Variants in NLRP1 observed in about 807,000 individuals in gnomAD.
The protein encoded by NLRP1 is NACHT, LRR and PYD domains-containing protein 1.
Under a neutral mutation model 136.7 loss-of-function variants are expected in NLRP1, and 94 were observed. That is an observed-to-expected ratio of 0.69 (90% CI 0.58 to 0.82). NLRP1 has a LOEUF of 0.82. NLRP1 is among the 40% of genes least tolerant of loss of function. The pLI is 0.00. For synonymous variants in NLRP1, 690 were observed against 725.1 expected, an observed-to-expected ratio of 0.95 and a Z score of 0.78; for missense variants, 1,575 against 1,802.7, an observed-to-expected ratio of 0.87 and a Z score of 2.29.
At position 5,558,407 on chromosome 17, in the gene NLRP1, G is replaced by T. The variant is rs200629933; in HGVS notation, c.2289C>A (p.His763Gln). 1.2e-6 allele frequency: 2 copies of T among 1,614,116 alleles called. No homozygotes were observed. The highest frequency in any genetic ancestry group is 1.1e-5 in the South Asian group (1 of 91,078). ...VCTFCIKFSR[H>Q]VKKLQLIEGR... ...CCTCAATCAGCTGAAGCTTCTTCAC[G>T]TGGCGGCTGAATTTAATGCAGAAAG... Residue 763 changes from histidine (H) to glutamine (Q), a missense_variant, in exon 4 of 17, where the codon CAC becomes CAA. Transcript: ENST00000572272.
intron 14 of NLRP1, among the ~76,000 whole-genome samples, chr17:5,519,532 T>A (rs1309518092): frequency 6.7e-6 from 1 of 149,154 alleles, no homozygotes; most frequent in Non-Finnish European, 1.5e-5. Context: ...CTGCAACCTC[T>A]GCCTCCCGGG....
At chr17:5,568,367 GC>G (rs1263349863) in intron 3 of NLRP1, among the ~76,000 whole-genome samples, 1 of 152,054 alleles carries the variant, frequency 6.6e-6, no homozygotes, top group Non-Finnish European at 1.5e-5. Flanking sequence ...TCTTCAGTAT[GC>G]AAATTGAATT....
chr17:5,570,250 AC>A (rs1352729880), intron 3 of NLRP1, among the ~76,000 whole-genome samples: 1 of 152,268 alleles, frequency 6.6e-6, no homozygotes, highest in East Asian at 1.9e-4. Context: ...ACAAGAAATA[AC>A]CAAAATCAGA....
chr17:5,548,022 T>C (rs891611171), intron 5 of NLRP1, among the ~76,000 whole-genome samples: 6 of 152,196 alleles, frequency 3.9e-5, no homozygotes, highest in African/African-American at 1.4e-4. Flanking sequence ...TAACCCTGAA[T>C]TCTGCTATCT....
rs546047725 is a variant in NLRP1, at chr17:5,525,836, A to G, written c.3521-4050T>C. On this transcript the variant is annotated intron_variant, in intron 12 of 16. Transcript: ENST00000572272. The stretch of plus-strand genomic sequence containing the variant: ...TGTCTATAAAGCCCTGGGGATAATA[A>G]GGACCACTTGCTCGTATTACAGATA... 2.6e-5 allele frequency among the ~76,000 whole-genome samples: 4 copies of G among 152,314 alleles called. No individual in the cohort carries two copies. In the East Asian group the frequency reaches 7.7e-4, roughly 29 times the overall value.
Position 5,539,407 on chromosome 17 carries a change from G to A in NLRP1, c.2870+8C>T, listed in dbSNP as rs1455162902. On this transcript the variant is annotated splice_region_variant and intron_variant, in intron 7 of 16. Transcript: ENST00000572272. ...CCCTCTGCCCAGAAGGGACCCACAG[G>A]GCCTTACCCCAGGCGTATGAGTTTG... 8 of 1,608,302 alleles carry A rather than the reference G, an allele frequency of 5.0e-6. No homozygotes were observed. In the African/African-American group the frequency reaches 8.0e-5, roughly 16 times the overall value.
chr17:5,501,948 T>A (rs923122348), intron 15 of NLRP1: 9 of 1,335,950 alleles, frequency 6.7e-6, no homozygotes, highest in African/African-American at 4.3e-5. Flanking sequence ...GCCGGCTTTG[T>A]TAGTTGCAGC....
intron 5 of NLRP1, 57 bp from the exon 6 acceptor site, chr17:5,542,084 A>T: frequency 6.5e-7 from 1 of 1,528,792 alleles, no homozygotes. Flanking sequence ...TTCAACAGAC[A>T]CCCATAAGCA....
At chr17:5,550,066 A>G (rs1462918829) in intron 5 of NLRP1, among the ~76,000 whole-genome samples, 1 of 152,198 alleles carries the variant, frequency 6.6e-6, no homozygotes, top group East Asian at 1.9e-4. Context: ...ATGGTCTACA[A>G]TCCTTTTTAT....
chr17:5,547,203 ATACATAGCATACATGACCCTAAG>A (rs1912781235), intron 5 of NLRP1, among the ~76,000 whole-genome samples: 1 of 152,074 alleles, frequency 6.6e-6, no homozygotes, highest in Non-Finnish European at 1.5e-5. Flanking sequence ...ATGACCCTAA[ATACATAGCATACATGACCCTAAG>A]TACATAGCAT....
At chr17:5,552,902 T>C (rs1402548586) in intron 5 of NLRP1, among the ~76,000 whole-genome samples, 1 of 152,234 alleles carries the variant, frequency 6.6e-6, no homozygotes, top group South Asian at 2.1e-4. Context: ...ATTTTGAAAA[T>C]GTACTGATCT....
chr17:5,534,033 G>C, intron 8 of NLRP1, 45 bp from the exon 9 acceptor site: 1 of 1,343,186 alleles, frequency 7.4e-7, no homozygotes, highest in Non-Finnish European at 1.1e-6. Context: ...TGGAGGAAGC[G>C]AGGGCTGTCC....
intron 3 of NLRP1, among the ~76,000 whole-genome samples, chr17:5,571,891 A>T (rs1904400869): frequency 6.6e-6 from 1 of 152,242 alleles, no homozygotes. Context: ...CTACTGGTAC[A>T]AAAACAGACA....
chr17:5,554,264 C>G (rs566215324), intron 4 of NLRP1, among the ~76,000 whole-genome samples: 34 of 152,244 alleles, frequency 2.2e-4, no homozygotes, highest in African/African-American at 7.9e-4. Flanking sequence ...AGATGACGGG[C>G]TTTGTCTGAG....
intron 3 of NLRP1, among the ~76,000 whole-genome samples, chr17:5,566,138 A>T (rs899002066): frequency 6.6e-6 from 1 of 150,992 alleles, no homozygotes; most frequent in Non-Finnish European, 1.5e-5. Flanking sequence ...TGTTTCATTG[A>T]TCTTTTGTAT....
chr17:5,535,465 C>T (rs75214654), intron 8 of NLRP1, among the ~76,000 whole-genome samples: 2,645 of 152,272 alleles, frequency 0.017, 139 homozygotes, highest in South Asian at 0.16. Flanking sequence ...TTCTTGGGCC[C>T]AGCCAACCTG....
intron 3 of NLRP1, among the ~76,000 whole-genome samples, chr17:5,562,193 CCT>C (rs1286713793): frequency 2.6e-5 from 4 of 152,222 alleles, no homozygotes; most frequent in African/African-American, 7.2e-5. Flanking sequence ...GGTGCCATCC[CCT>C]GTTCCTCTGG....
Position 5,541,875 on chromosome 17 carries a change from C to T in NLRP1, c.2681G>A (p.Cys894Tyr). The change falls in exon 6 of 17, where the codon TGC becomes TAC. Residue 894 changes from cysteine to tyrosine, a missense_variant. Cys to Tyr is a radical substitution (Grantham distance 194, BLOSUM62 -2). Coordinates refer to ENST00000572272, the MANE Select transcript of NLRP1 (RefSeq NM_033004.4). This position sits in a 1 kb window ranked among gnomAD's most constrained non-coding sequence, Gnocchi z 4.2. ...HLCQRLRQPS[C>Y]KLQRLQLVSC... ...CAATTACTGCAGTCGCTGTAGCTTG[C>T]AGCTCGGCTGTCTCAGTCTCTGGCA... The T allele has an allele frequency of 6.2e-7, 1 of 1,614,012 alleles. No individual in the cohort carries two copies. The highest frequency in any genetic ancestry group is 1.1e-5 in the South Asian group (1 of 91,074).
chr17:5,556,161 C>CACACATAT lies in NLRP1; in HGVS notation c.2357+2177_2357+2178insATATGTGT, dbSNP rs908575596. On this transcript the variant is annotated intron_variant, in intron 4 of 16. Transcript: ENST00000572272. ...ACACACACACACACACACACACACA[C>CACACATAT]ATGAAGGGCTGGGCATGGTGGCTCA... Among the ~76,000 whole-genome samples the CACACATAT allele has an allele frequency of 6.5e-4, 77 of 118,408 alleles. 2 individuals carry two copies. Among genetic ancestry groups the CACACATAT allele is most frequent in the African/African-American group, 2.2e-3 (69 of 31,548 alleles). The allele number at this position is 118,408 out of a possible 152,430, so 77.7% of individuals were successfully genotyped here.
Sources: allele counts gnomAD v4.1 joint callset (sites outside exome capture counted in the v4.1 genomes callset), GRCh38; gene constraint gnomAD v4.1.1; non-coding constraint Gnocchi (gnomAD v3.1); transcripts MANE v1.5; gene names NCBI Gene and HGNC (gene_info 2026-07-23, HGNC 2026-07-21).